CNOT6L: variants seen among roughly 807,000 people sequenced by gnomAD.
CNOT6L encodes CCR4-NOT transcription complex subunit 6 like.
Under a neutral mutation model 64.0 loss-of-function variants are expected in CNOT6L, and 7 were observed. The observed-to-expected ratio is 0.11, with a 90% confidence interval of 0.06 to 0.21. The LOEUF is 0.21. Among genes scored for constraint, CNOT6L ranks in the 10% least tolerant of loss-of-function variants. The pLI, the probability that CNOT6L is intolerant of heterozygous loss-of-function variation, is 1.00. For missense variants in CNOT6L, 245 were observed against 669.0 expected (o/e 0.37, Z 6.99); for synonymous variants, 193 against 243.4 (o/e 0.79, Z 1.93).
At chr4:77,751,066 C>T (rs976390178) in intron 5 of CNOT6L, among the ~76,000 whole-genome samples, 1 of 152,144 alleles carries the variant, frequency 6.6e-6, no homozygotes, top group South Asian at 2.1e-4. Flanking sequence ...CCAACAGACA[C>T]CAACACTGAG....
At chr4:77,791,321 T>C (rs553237690) in intron 1 of CNOT6L, among the ~76,000 whole-genome samples, 1 of 152,144 alleles carries the variant, frequency 6.6e-6, no homozygotes, top group Non-Finnish European at 1.5e-5. Context: ...CTTTGTCATA[T>C]TTCTGATAGC....
chr4:77,776,642 A>G (rs895966516), intron 1 of CNOT6L, among the ~76,000 whole-genome samples: 10 of 152,218 alleles, frequency 6.6e-5, no homozygotes, highest in Admixed American at 3.9e-4. Context: ...TGCAATGAAC[A>G]TTATGGTTGC....
At chr4:77,725,176 T>C (rs1258056941) in intron 11 of CNOT6L, among the ~76,000 whole-genome samples, 1 of 152,212 alleles carries the variant, frequency 6.6e-6, no homozygotes, top group African/African-American at 2.4e-5. Flanking sequence ...TTCATGATTA[T>C]GAAAGCTGAT....
chr4:77,788,804 A>G (rs534963522), intron 1 of CNOT6L, among the ~76,000 whole-genome samples: 2 of 152,098 alleles, frequency 1.3e-5, no homozygotes, highest in East Asian at 3.9e-4. Flanking sequence ...TATATAAAAA[A>G]TTAACCTCAT....
At chr4:77,723,151 G>A (rs1486039676) in intron 11 of CNOT6L, among the ~76,000 whole-genome samples, 1 of 152,064 alleles carries the variant, frequency 6.6e-6, no homozygotes, top group East Asian at 1.9e-4. Flanking sequence ...TAAACGTGGG[G>A]TGAGGAGCAG....
At chr4:77,819,376 C>G, upstream of CNOT6L, 1 of 1,547,512 alleles carries the variant, frequency 6.5e-7, no homozygotes, top group Non-Finnish European at 8.8e-7. Flanking sequence ...CACACAAACA[C>G]GCGCGCGCGC....
intron 8 of CNOT6L, among the ~76,000 whole-genome samples, chr4:77,740,486 A>C (rs1215810650): frequency 6.6e-6 from 1 of 152,222 alleles, no homozygotes; most frequent in Non-Finnish European, 1.5e-5. Context: ...GATTCAGTTT[A>C]TTACAGTAGT....
At chr4:77,736,835 C>T (rs992645436) in intron 8 of CNOT6L, among the ~76,000 whole-genome samples, 4 of 151,356 alleles carry the variant, frequency 2.6e-5, no homozygotes, top group African/African-American at 7.3e-5. Context: ...AAAAACTAGA[C>T]GAAAGGTCAA....
intron 1 of CNOT6L, among the ~76,000 whole-genome samples, chr4:77,788,948 T>C (rs1729775309): frequency 6.6e-6 from 1 of 152,154 alleles, no homozygotes; most frequent in African/African-American, 2.4e-5. Flanking sequence ...TATATGGCAG[T>C]ACAAGTCTCC....
At chr4:77,809,781 G>A (rs562819504) in intron 1 of CNOT6L, among the ~76,000 whole-genome samples, 1 of 152,188 alleles carries the variant, frequency 6.6e-6, no homozygotes, top group East Asian at 1.9e-4. Context: ...ATCTATTTAA[G>A]TAATATGGGA....
chr4:77,798,413 A>G (rs898435179), intron 1 of CNOT6L, among the ~76,000 whole-genome samples: 1 of 152,208 alleles, frequency 6.6e-6, no homozygotes, highest in Non-Finnish European at 1.5e-5. Flanking sequence ...AACATAAAGA[A>G]CTGTCAAAAT....
intron 1 of CNOT6L, among the ~76,000 whole-genome samples, chr4:77,780,077 G>A (rs1284999138): frequency 6.6e-6 from 1 of 151,824 alleles, no homozygotes; most frequent in Non-Finnish European, 1.5e-5. Flanking sequence ...CACCTTGTAG[G>A]CATACCACAA....
intron 10 of CNOT6L, among the ~76,000 whole-genome samples, chr4:77,726,964 G>A (rs1721919556): frequency 6.6e-6 from 1 of 152,110 alleles, no homozygotes; most frequent in Admixed American, 6.6e-5. Flanking sequence ...AAAAATACAA[G>A]GCTGAAGAGA....
intron 1 of CNOT6L, among the ~76,000 whole-genome samples, chr4:77,801,135 T>A (rs193133350): frequency 6.6e-6 from 1 of 152,122 alleles, no homozygotes; most frequent in Non-Finnish European, 1.5e-5. Flanking sequence ...TGAGTCAAGC[T>A]TGGTTCCAGG....
rs1481938449 is a variant in CNOT6L, at chr4:77,768,032, C to T, written c.400+5049G>A. On this transcript the variant is annotated intron_variant, in intron 4 of 11. Transcript: ENST00000504123. ...TACAAATGAATTAAAGAATTAACTG[C>T]GAAGAGCAAAACCTCAAAACCTTTA... Among the ~76,000 whole-genome samples the T allele has an allele frequency of 3.3e-5, 5 of 149,576 alleles. No homozygotes were observed. The East Asian group carries it at 5.9e-4, about 18-fold the overall frequency.
At chr4:77,799,704 C>CAAAAA (rs71214370) in intron 1 of CNOT6L, among the ~76,000 whole-genome samples, 1 of 90,912 alleles carries the variant, frequency 1.1e-5, no homozygotes, top group African/African-American at 4.4e-5. Context: ...AACTCCATCT[C>CAAAAA]AAAAAAAAAA....
At chr4:77,762,899 C>T (rs1243106028) in intron 4 of CNOT6L, among the ~76,000 whole-genome samples, 1 of 152,080 alleles carries the variant, frequency 6.6e-6, no homozygotes, top group Non-Finnish European at 1.5e-5. Flanking sequence ...TGTCAACATT[C>T]ACTGAACTAT....
intron 1 of CNOT6L, among the ~76,000 whole-genome samples, chr4:77,778,854 C>T (rs1378869598): frequency 6.6e-6 from 1 of 151,370 alleles, no homozygotes; most frequent in East Asian, 2.0e-4. Flanking sequence ...ACCATCCTGG[C>T]TAACACGGTG....
In CNOT6L at chr4:77,768,470, AATAAATATATATATATATAT is replaced by A. The variant is rs1412691620; in HGVS notation, c.400+4591_400+4610del. Among the ~76,000 whole-genome samples the A allele has an allele frequency of 3.8e-3, 507 of 134,392 alleles. 10 individuals are homozygous for A. The highest frequency in any genetic ancestry group is 0.018 in the South Asian group (75 of 4,254). The allele number at this position is 134,392 out of a possible 152,430, so 88.2% of individuals were successfully genotyped here. A position where few individuals can be genotyped will look rare whatever the true frequency, so the allele number is the denominator to read the frequency against. ...ACAGAGTGAGACTCTGTCTAAAATA[AATAAATATATATATATATAT>A]ATATATATATATATATATATATATA... is the stretch of plus-strand genomic sequence containing the variant. On this transcript the variant is annotated intron_variant, in intron 4 of 11. Coordinates refer to ENST00000504123, the MANE Select transcript of CNOT6L (RefSeq NM_144571.3).
Sources: gnomAD v4.1 joint callset for allele counts (sites outside exome capture counted in the v4.1 genomes callset) on GRCh38, gnomAD v4.1.1 for gene constraint, MANE v1.5 for transcripts, NCBI Gene and HGNC (gene_info 2026-07-23, HGNC 2026-07-21) for gene names.